Variants in ULK4 observed in about 807,000 individuals in gnomAD.
ULK4 encodes inactive serine/threonine-protein kinase ULK4.
A neutral mutation model predicts 160.6 loss-of-function variants in ULK4; 133 were observed. The ratio of observed to expected loss-of-function variants is 0.83; its 90% CI spans 0.72 to 0.96. ULK4 has a LOEUF of 0.96. Ranked by LOEUF, ULK4 falls within the 40% of genes least tolerant of loss-of-function variation. The pLI is 0.00. For missense variants in ULK4, 1,580 were observed against 1,499.5 expected (o/e 1.05, Z -0.89); for synonymous variants, 534 against 539.8 (o/e 0.99, Z 0.15).
At chr3:41,301,149 C>T (rs2079788250) in intron 35 of ULK4, among the ~76,000 whole-genome samples, 1 of 151,912 alleles carries the variant, frequency 6.6e-6, no homozygotes, top group Non-Finnish European at 1.5e-5. Flanking sequence ...TGGGGATCAT[C>T]CACACTGCCT....
chr3:41,714,000 G>A (rs2037182756), intron 25 of ULK4, among the ~76,000 whole-genome samples: 1 of 152,082 alleles, frequency 6.6e-6, no homozygotes, highest in Non-Finnish European at 1.5e-5. Context: ...AATCCAAGGT[G>A]GGTTACCATA....
chr3:41,678,215 CACACACACACAG>C (rs900255215), intron 29 of ULK4, among the ~76,000 whole-genome samples: 9 of 151,640 alleles, frequency 5.9e-5, no homozygotes, highest in African/African-American at 1.9e-4. Context: ...CACACACACA[CACACACACACAG>C]AGCTCCTACT....
At chr3:41,956,529 C>G (rs78563140) in intron 1 of ULK4, among the ~76,000 whole-genome samples, 2,101 of 152,262 alleles carry the variant, frequency 0.014, 45 homozygotes, top group African/African-American at 0.047. Flanking sequence ...AGACCCTCTA[C>G]TGGTCTTGAC....
At chr3:41,489,979 G>C (rs2125905205) in intron 32 of ULK4, among the ~76,000 whole-genome samples, 1 of 152,234 alleles carries the variant, frequency 6.6e-6, no homozygotes, top group African/African-American at 2.4e-5. Flanking sequence ...CAGTCAAAAG[G>C]CATAATGACT....
intron 31 of ULK4, among the ~76,000 whole-genome samples, chr3:41,582,451 T>C (rs1302930372): frequency 6.6e-6 from 1 of 152,158 alleles, no homozygotes; most frequent in Non-Finnish European, 1.5e-5. Context: ...TACACTGTCA[T>C]TATAAATCAG....
At chr3:41,767,126 TG>T (rs2039191818) in intron 21 of ULK4, among the ~76,000 whole-genome samples, 1 of 152,248 alleles carries the variant, frequency 6.6e-6, no homozygotes, top group African/African-American at 2.4e-5. Context: ...TTATTAATAC[TG>T]TAAATTATTT....
At chr3:41,355,795 T>C (rs1316996578) in intron 35 of ULK4, among the ~76,000 whole-genome samples, 1 of 152,204 alleles carries the variant, frequency 6.6e-6, no homozygotes, top group Non-Finnish European at 1.5e-5. Context: ...AACATTACAT[T>C]TTAATAGTTT....
At chr3:41,821,927 CT>C (rs1331171831) in intron 18 of ULK4, among the ~76,000 whole-genome samples, 1 of 152,140 alleles carries the variant, frequency 6.6e-6, no homozygotes, top group African/African-American at 2.4e-5. Flanking sequence ...TAAATTGGGC[CT>C]TAAACTACAT....
At chr3:41,647,575 G>C (rs1454468615) in intron 30 of ULK4, among the ~76,000 whole-genome samples, 2 of 152,144 alleles carry the variant, frequency 1.3e-5, no homozygotes, top group Non-Finnish European at 2.9e-5. Flanking sequence ...GAGGAGTACT[G>C]GGCCGTGTGA....
chr3:41,815,368 T>A (rs1199045265), intron 19 of ULK4, among the ~76,000 whole-genome samples: 5 of 152,268 alleles, frequency 3.3e-5, no homozygotes, highest in African/African-American at 1.2e-4. Context: ...TCCTAATTCC[T>A]TTCATATTCA....
At chr3:41,959,424 G>A (rs981074119) in intron 1 of ULK4, among the ~76,000 whole-genome samples, 2 of 151,340 alleles carry the variant, frequency 1.3e-5, no homozygotes, top group Non-Finnish European at 2.9e-5. Flanking sequence ...CTATTCCGGA[G>A]GCTGAAGCAA....
At chr3:41,491,709 A>T (rs922628306) in intron 32 of ULK4, among the ~76,000 whole-genome samples, 14 of 151,510 alleles carry the variant, frequency 9.2e-5, no homozygotes, top group Non-Finnish European at 1.8e-4. Context: ...ATTTTTTTTT[A>T]TTCATTTGCT....
At chr3:41,432,244 G>C (rs770982476) in intron 34 of ULK4, among the ~76,000 whole-genome samples, 2 of 152,102 alleles carry the variant, frequency 1.3e-5, no homozygotes, top group Non-Finnish European at 2.9e-5. Flanking sequence ...CCTTGAAATA[G>C]AGACTTTAAA....
intron 35 of ULK4, among the ~76,000 whole-genome samples, chr3:41,342,316 C>G (rs2080703353): frequency 1.3e-5 from 2 of 152,198 alleles, no homozygotes; most frequent in Admixed American, 1.3e-4. Context: ...GGCTAACAGA[C>G]TTGCACTATA....
intron 17 of ULK4, among the ~76,000 whole-genome samples, chr3:41,878,691 AAAAAAG>A (rs1697400644): frequency 6.6e-6 from 1 of 151,402 alleles, no homozygotes; most frequent in African/African-American, 2.4e-5. Flanking sequence ...AAAAAAAAAA[AAAAAAG>A]AGTGAGGAGT....
At chr3:41,664,190 C>T (rs1269246707) in intron 29 of ULK4, among the ~76,000 whole-genome samples, 2 of 152,154 alleles carry the variant, frequency 1.3e-5, no homozygotes, top group African/African-American at 4.8e-5. Flanking sequence ...TAGTATTGAG[C>T]TAGGCATATA....
chr3:41,830,026 C>T (rs2041521479), intron 18 of ULK4, among the ~76,000 whole-genome samples: 1 of 151,706 alleles, frequency 6.6e-6, no homozygotes, highest in African/African-American at 2.4e-5. Flanking sequence ...AACCATCATT[C>T]TAAGCAAACT....
intron 35 of ULK4, among the ~76,000 whole-genome samples, chr3:41,250,017 A>G (rs1447112698): frequency 6.6e-6 from 1 of 152,218 alleles, no homozygotes; most frequent in East Asian, 1.9e-4. Flanking sequence ...GATGCCAAGA[A>G]GGTGCCTGGG....
Position 41,506,764 on chromosome 3 carries a change from T to TAAAAAAAA in ULK4, c.3227-43512_3227-43511insTTTTTTTT, listed in dbSNP as rs200785051. Among the ~76,000 whole-genome samples, 120 of 19,920 alleles carry TAAAAAAAA rather than the reference T, an allele frequency of 6.0e-3. 15 individuals carry two copies. The highest frequency in any genetic ancestry group is 6.7e-3 in the African/African-American group (38 of 5,708). The allele number at this position is 19,920 out of a possible 152,430, so 13.1% of individuals were successfully genotyped here. ...CAAAGCAATACACTGGAGTGTGATT[T>TAAAAAAAA]AAAATATATATATATATATATATAT... is the stretch of plus-strand genomic sequence containing the variant. On this transcript the variant is annotated intron_variant, in intron 32 of 36. Coordinates refer to ENST00000301831, the MANE Select transcript of ULK4 (RefSeq NM_017886.4).
Sources: allele counts gnomAD v4.1 joint callset (sites outside exome capture counted in the v4.1 genomes callset), GRCh38; gene constraint gnomAD v4.1.1; transcripts MANE v1.5; gene names NCBI Gene and HGNC (gene_info 2026-07-23, HGNC 2026-07-21).